Variants in PRKN observed in about 807,000 individuals in gnomAD.
The protein encoded by PRKN is parkin RBR E3 ubiquitin protein ligase, also known as E3 ubiquitin-protein ligase parkin.
In PRKN, 56 loss-of-function variants were observed where a neutral mutation model predicts 59.5. The ratio of observed to expected loss-of-function variants is 0.94; its 90% CI spans 0.76 to 1.18. The LOEUF is 1.18. Among genes scored for constraint, PRKN ranks in the 50% most tolerant of loss-of-function variants. PRKN has a pLI of 0.00. For synonymous variants in PRKN, 250 were observed against 222.1 expected (o/e 1.13, Z -1.12); for missense variants, 657 against 596.4 (o/e 1.10, Z -1.06).
At chr6:162,395,044 A>T (rs1390526418) in intron 2 of PRKN, among the ~76,000 whole-genome samples, 1 of 152,148 alleles carries the variant, frequency 6.6e-6, no homozygotes, top group East Asian at 1.9e-4. Flanking sequence ...GTGAACCCCC[A>T]TTTAAAAGAT....
intron 6 of PRKN, among the ~76,000 whole-genome samples, chr6:161,944,472 T>C (rs1314031466): frequency 1.3e-5 from 2 of 152,122 alleles, no homozygotes; most frequent in East Asian, 1.9e-4. Flanking sequence ...TCTGCCTCCT[T>C]CTTGGGGCCA....
chr6:162,347,923 C>A (rs1028128575), intron 2 of PRKN, among the ~76,000 whole-genome samples: 1 of 152,226 alleles, frequency 6.6e-6, no homozygotes, highest in East Asian at 1.9e-4. Flanking sequence ...GCCTTGAGAG[C>A]GTTTCCAGGC....
rs1040097341 is a variant in PRKN, at chr6:161,480,917, C to G, written c.1083+67937G>C. 6.6e-6 allele frequency among the ~76,000 whole-genome samples: 1 copy of G among 152,190 alleles called. No homozygotes were observed. Among genetic ancestry groups the G allele is most frequent in the Admixed American group, 6.5e-5 (1 of 15,280 alleles). ...ACCCATTGGTAACTGGAAAGGAAAGCTGATGGTGCAGCTTTCTCCATGGTA... is the reference window on the plus strand; with the variant it reads ...ACCCATTGGTAACTGGAAAGGAAAGGTGATGGTGCAGCTTTCTCCATGGTA... On this transcript the variant is annotated intron_variant, in intron 9 of 11. Coordinates refer to ENST00000366898, the MANE Select transcript of PRKN (RefSeq NM_004562.3). This position sits in a 1 kb window ranked among gnomAD's most constrained non-coding sequence, Gnocchi z 4.1.
chr6:161,953,805 C>T (rs1272824088), intron 6 of PRKN, among the ~76,000 whole-genome samples: 2 of 152,254 alleles, frequency 1.3e-5, no homozygotes, highest in African/African-American at 2.4e-5. Context: ...TGAGCTAGCA[C>T]GACGCACCCT....
intron 1 of PRKN, among the ~76,000 whole-genome samples, chr6:162,535,399 CAT>C (rs910460346): frequency 6.6e-6 from 1 of 151,972 alleles, no homozygotes; most frequent in African/African-American, 2.4e-5. Context: ...CATATATATG[CAT>C]ATATATGTAC....
chr6:162,318,046 C>A (rs1350229121), intron 2 of PRKN, among the ~76,000 whole-genome samples: 1 of 151,962 alleles, frequency 6.6e-6, no homozygotes, highest in Non-Finnish European at 1.5e-5. Flanking sequence ...AACTAAAACT[C>A]CATACCCATT....
chr6:162,348,808 GAGAA>G lies in PRKN; in HGVS notation c.172-86047_172-86044del, dbSNP rs548156594. Among the ~76,000 whole-genome samples, 371 of 152,138 alleles carry G rather than the reference GAGAA, an allele frequency of 2.4e-3. 1 individual carries two copies. The highest frequency in any genetic ancestry group is 8.5e-3 in the African/African-American group (351 of 41,514). ...AAAAAGCAAAAAAGAAAAAGAGAGA[GAGAA>G]AGAGAGACAGAAATTCTAAAAATCA... is the stretch of plus-strand genomic sequence containing the variant. On this transcript the variant is annotated intron_variant, in intron 2 of 11. Coordinates refer to ENST00000366898, the MANE Select transcript of PRKN (RefSeq NM_004562.3).
rs185685670 is a variant in PRKN at position 162,040,966 on chromosome 6, C to A, written c.618+13125G>T. On this transcript the variant is annotated intron_variant, in intron 5 of 11. Transcript: ENST00000366898. Reference sequence around the variant, plus strand: ...TTGGGAAGCCGAGGTGGGTAGATCACCTGAGGTCAGGAGTTCAAGACCAGC... The same window carrying A: ...TTGGGAAGCCGAGGTGGGTAGATCAACTGAGGTCAGGAGTTCAAGACCAGC... Among the ~76,000 whole-genome samples the A allele has an allele frequency of 1.8e-3, 278 of 150,858 alleles. 1 individual carries two copies. Among genetic ancestry groups the A allele is most frequent in the South Asian group, 5.0e-3 (24 of 4,768 alleles).
chr6:162,197,553 T>G (rs1784544246), intron 4 of PRKN, among the ~76,000 whole-genome samples: 1 of 152,212 alleles, frequency 6.6e-6, no homozygotes, highest in African/African-American at 2.4e-5. Context: ...GTGAGGACTA[T>G]ATCCTAGTAA....
intron 4 of PRKN, among the ~76,000 whole-genome samples, chr6:162,160,306 C>T (rs751910265): frequency 2.6e-5 from 4 of 152,174 alleles, no homozygotes; most frequent in South Asian, 4.2e-4. Flanking sequence ...CACTGATGGT[C>T]AATAGTATTA....
At chr6:162,144,016 T>A (rs1181681774) in intron 4 of PRKN, among the ~76,000 whole-genome samples, 6 of 152,188 alleles carry the variant, frequency 3.9e-5, no homozygotes, top group Non-Finnish European at 8.8e-5. Flanking sequence ...TCTGGCTCAT[T>A]TAAAGAAATC....
rs1221701941 is a variant in PRKN at position 162,600,149 on chromosome 6, C to G, written c.7+127513G>C. Among the ~76,000 whole-genome samples the G allele has an allele frequency of 3.3e-5, 5 of 152,226 alleles. No individual in the cohort carries two copies. The South Asian group carries it at 1.0e-3, about 32-fold the overall frequency. On this transcript the variant is annotated intron_variant, in intron 1 of 11. Coordinates refer to ENST00000366898, the MANE Select transcript of PRKN (RefSeq NM_004562.3). ...GTGCCTCTTTCCAGTAACAGCGTTC[C>G]CTAACTCTCAGCAGTAACCCCTTTC...
intron 1 of PRKN, among the ~76,000 whole-genome samples, chr6:162,630,688 C>T (rs1176682835): frequency 6.6e-6 from 1 of 152,012 alleles, no homozygotes; most frequent in South Asian, 2.1e-4. Context: ...AGAAAAGAGC[C>T]TTGAATTCTG....
chr6:162,628,197 A>G (rs1782972174), intron 1 of PRKN, among the ~76,000 whole-genome samples: 1 of 152,196 alleles, frequency 6.6e-6, no homozygotes, highest in South Asian at 2.1e-4. Flanking sequence ...TTGATGATGA[A>G]GACGCAGAGG....
Position 161,480,203 on chromosome 6 carries a change from G to T in PRKN, c.1083+68651C>A, listed in dbSNP as rs1791322573. ...CTATCTGATCATGACTATATAATTT[G>T]TGAAGCCCAGTGCAAAACAAAGACA... On this transcript the variant is annotated intron_variant, in intron 9 of 11. Transcript: ENST00000366898. This position sits in a 1 kb window ranked among gnomAD's most constrained non-coding sequence, Gnocchi z 4.1. Among the ~76,000 whole-genome samples, 1 of 152,150 alleles carries T rather than the reference G, an allele frequency of 6.6e-6. No individual in the cohort carries two copies. Among genetic ancestry groups the T allele is most frequent in the Non-Finnish European group, 1.5e-5 (1 of 68,036 alleles).
At position 161,533,303 on chromosome 6, in the gene PRKN, G is replaced by A. The variant is rs1050960960; in HGVS notation, c.1083+15551C>T. 1.3e-5 allele frequency among the ~76,000 whole-genome samples: 2 copies of A among 152,178 alleles called. No homozygotes were observed. Among genetic ancestry groups the A allele is most frequent in the South Asian group, 2.1e-4 (1 of 4,830 alleles). On this transcript the variant is annotated intron_variant, in intron 9 of 11. Transcript: ENST00000366898. The surrounding 1 kb of genome is among the most constrained non-coding windows in gnomAD (Gnocchi z 4.1). ...GGCAGTGAGGGTATGGAAGTCCTCA[G>A]TAAGGTTTTCTTCTTAATGAAAAGC...
At chr6:162,121,470 C>G (rs1780913522) in intron 4 of PRKN, among the ~76,000 whole-genome samples, 2 of 152,154 alleles carry the variant, frequency 1.3e-5, no homozygotes, top group African/African-American at 4.8e-5. Flanking sequence ...TTATATGTCA[C>G]TTGTACTGCT....
At chr6:161,803,693 C>T (rs1328871847) in intron 6 of PRKN, among the ~76,000 whole-genome samples, 2 of 152,216 alleles carry the variant, frequency 1.3e-5, no homozygotes, top group African/African-American at 2.4e-5. Flanking sequence ...GACCAGTGAC[C>T]TTCTGTACAG....
intron 7 of PRKN, among the ~76,000 whole-genome samples, chr6:161,617,328 G>A (rs1562562235): frequency 6.6e-6 from 1 of 152,184 alleles, no homozygotes; most frequent in Non-Finnish European, 1.5e-5. Context: ...TGGATAGAGT[G>A]CAAAAATTTT....
Sources: allele counts gnomAD v4.1 joint callset (sites outside exome capture counted in the v4.1 genomes callset), GRCh38; gene constraint gnomAD v4.1.1; non-coding constraint Gnocchi (gnomAD v3.1); transcripts MANE v1.5; gene names NCBI Gene and HGNC (gene_info 2026-07-23, HGNC 2026-07-21).